The following DYSF variants were observed in gnomAD, a reference collection of about 807,000 sequenced individuals.
DYSF encodes the protein dystrophy-associated fer-1-like 1.
In DYSF, 212 loss-of-function variants were observed where a neutral mutation model predicts 274.9. That is an observed-to-expected ratio of 0.77 (90% CI 0.69 to 0.86). The LOEUF (loss-of-function observed/expected upper bound fraction) is 0.86. Ranked by LOEUF, DYSF falls within the 40% of genes least tolerant of loss-of-function variation. The pLI, the probability that DYSF is intolerant of heterozygous loss-of-function variation, is 0.00. For synonymous variants in DYSF, 1,091 were observed against 1,078.7 expected (o/e 1.01, Z -0.22); for missense variants, 2,666 against 2,783.2 (o/e 0.96, Z 0.95).
intron 3 of DYSF, among the ~76,000 whole-genome samples, chr2:71,494,780 A>G (rs2084209945): frequency 6.6e-6 from 1 of 152,202 alleles, no homozygotes; most frequent in African/African-American, 2.4e-5. Context: ...TCCATCCTTG[A>G]TAGACAGTGT....
rs751268658 is a variant in DYSF at position 71,674,182 on chromosome 2, C to A, written c.5785-15C>A. 2.5e-5 allele frequency: 41 copies of A among 1,612,382 alleles called. No individual in the cohort carries two copies. The highest frequency in any genetic ancestry group is 3.5e-5 in the Non-Finnish European group (41 of 1,178,458). ...TTGCTTCCTTGCATCCTTCTCTGTT[C>A]CTCTTCCGGGTCAGGATGCCTTCTG... On this transcript the variant is annotated splice_polypyrimidine_tract_variant and intron_variant, in intron 51 of 55. Transcript: ENST00000410020.
intron 29 of DYSF, chr2:71,571,040 C>T (rs2092395240): frequency 4.8e-6 from 2 of 420,774 alleles, no homozygotes; most frequent in South Asian, 5.0e-5. Flanking sequence ...ACACAGATTA[C>T]ACCCAGCACA....
chr2:71,520,347 G>C, intron 11 of DYSF, 139 bp downstream of exon 11: 2 of 992,202 alleles, frequency 2.0e-6, no homozygotes, highest in Non-Finnish European at 3.2e-6. Flanking sequence ...GAGAAAGCAG[G>C]TCATTCATCC....
chr2:71,562,097 A>G (rs769713929), intron 23 of DYSF, among the ~76,000 whole-genome samples, 153 bp downstream of exon 23: 4 of 152,266 alleles, frequency 2.6e-5, no homozygotes, highest in Middle Eastern at 3.4e-3. Flanking sequence ...CTGAACCTCA[A>G]TGGACCAATT....
intron 17 of DYSF, among the ~76,000 whole-genome samples, chr2:71,542,531 T>C (rs1169134499): frequency 6.6e-6 from 1 of 152,154 alleles, no homozygotes; most frequent in East Asian, 1.9e-4. Flanking sequence ...CCTTCCGCAG[T>C]GTTTGTGTCC....
intron 41 of DYSF, among the ~76,000 whole-genome samples, chr2:71,629,998 A>G (rs2152906990): frequency 6.6e-6 from 1 of 151,622 alleles, no homozygotes; most frequent in Non-Finnish European, 1.5e-5. Flanking sequence ...TTTTTACTCA[A>G]CTCTTTAAGA....
chr2:71,512,046 C>T (rs1559043018), intron 5 of DYSF, 125 bp downstream of exon 5: 1 of 722,664 alleles, frequency 1.4e-6, no homozygotes, highest in Non-Finnish European at 2.5e-6. Flanking sequence ...TTGGAGGCTG[C>T]CCAGGCCTGG....
In DYSF at chr2:71,684,397, G is replaced by A. The variant is rs118066188; in HGVS notation, c.6321+1720G>A. On this transcript the variant is annotated intron_variant, in intron 55 of 55. Coordinates refer to ENST00000410020, the MANE Select transcript of DYSF (RefSeq NM_001130987.2). The stretch of plus-strand genomic sequence containing the variant: ...CTGCCTCAAGCTCCTCCTCCCATTC[G>A]GAGCCCAGCTGGCCAGTGTTCAGTT... Among the ~76,000 whole-genome samples, 6 of 152,294 alleles carry A rather than the reference G, an allele frequency of 3.9e-5. No homozygotes were observed. In the East Asian group the frequency reaches 9.7e-4, roughly 25 times the overall value.
intron 17 of DYSF, among the ~76,000 whole-genome samples, chr2:71,540,550 A>G (rs2089842183): frequency 6.6e-6 from 1 of 152,152 alleles, no homozygotes; most frequent in Non-Finnish European, 1.5e-5. Flanking sequence ...AATATTAAAA[A>G]AGAACTTTGT....
At chr2:71,667,340 A>C in intron 47 of DYSF, 36 bp from the exon 48 acceptor site, 2 of 1,613,750 alleles carry the variant, frequency 1.2e-6, no homozygotes, top group Non-Finnish European at 1.7e-6. Context: ...TCGCTTCCCC[A>C]GCTCCTGCAA....
At chr2:71,534,620 G>C (rs2089111769) in intron 14 of DYSF, among the ~76,000 whole-genome samples, 1 of 152,328 alleles carries the variant, frequency 6.6e-6, no homozygotes, top group East Asian at 1.9e-4. Flanking sequence ...ATGATCTGGG[G>C]TAATGGGCAA....
At chr2:71,655,872 A>G (rs1281741121) in intron 42 of DYSF, among the ~76,000 whole-genome samples, 1 of 152,146 alleles carries the variant, frequency 6.6e-6, no homozygotes, top group African/African-American at 2.4e-5. Context: ...CTGAACAAAT[A>G]TCTTTCCTTT....
At chr2:71,675,291 A>C (rs1033153886) in intron 52 of DYSF, among the ~76,000 whole-genome samples, 2 of 152,218 alleles carry the variant, frequency 1.3e-5, no homozygotes, top group Non-Finnish European at 2.9e-5. Flanking sequence ...AAAGTGGTTA[A>C]AGTGGTGCAT....
chr2:71,472,455 G>C (rs941657263), intron 1 of DYSF, among the ~76,000 whole-genome samples: 5 of 152,134 alleles, frequency 3.3e-5, no homozygotes, highest in African/African-American at 1.2e-4. Context: ...CGCCCAGGCT[G>C]GAGTGGAGTG....
At chr2:71,583,138 GTA>G (rs1009696273) in intron 30 of DYSF, among the ~76,000 whole-genome samples, 5 of 150,896 alleles carry the variant, frequency 3.3e-5, no homozygotes, top group Admixed American at 3.3e-4. Flanking sequence ...AGTGGTAAAT[GTA>G]TATGATTTAA....
intron 51 of DYSF, among the ~76,000 whole-genome samples, chr2:71,673,831 C>T (rs882973): frequency 0.77 from 117,485 of 152,038 alleles, 46,295 homozygotes; most frequent in Non-Finnish European, 0.86. Context: ...AGAGGGCCAA[C>T]GCATAGGAAG....
chr2:71,468,209 G>A (rs745719561), intron 1 of DYSF, among the ~76,000 whole-genome samples: 4 of 152,184 alleles, frequency 2.6e-5, no homozygotes, highest in East Asian at 1.9e-4. Flanking sequence ...CAGAAATTGC[G>A]GTGTCACCAT....
chr2:71,480,716 G>A (rs2082812091), intron 1 of DYSF, among the ~76,000 whole-genome samples, 167 bp from the exon 2 acceptor site: 1 of 152,146 alleles, frequency 6.6e-6, no homozygotes, highest in South Asian at 2.1e-4. Context: ...TGTGTGATTG[G>A]CATTGGGGAT....
At chr2:71,529,296 C>T (rs975674345) in intron 14 of DYSF, among the ~76,000 whole-genome samples, 2 of 152,226 alleles carry the variant, frequency 1.3e-5, no homozygotes, top group African/African-American at 4.8e-5. Context: ...CTCGTGCCCC[C>T]ACAGCCACTG....
Sources: gnomAD v4.1 joint callset for allele counts (sites outside exome capture counted in the v4.1 genomes callset) on GRCh38, gnomAD v4.1.1 for gene constraint, MANE v1.5 for transcripts, NCBI Gene and HGNC (gene_info 2026-07-23, HGNC 2026-07-21) for gene names.